The following SYTL2 variants were observed in gnomAD, a reference collection of about 807,000 sequenced individuals.
The protein encoded by SYTL2 is synaptotagmin-like protein 2.
SYTL2 carries 165 observed loss-of-function variants against 198.7 expected under a neutral mutation model. That is an observed-to-expected ratio of 0.83 (90% CI 0.73 to 0.94). SYTL2 has a LOEUF of 0.94. SYTL2 is among the 40% of genes least tolerant of loss of function. The pLI, the probability that SYTL2 is intolerant of heterozygous loss-of-function variation, is 0.00. For missense variants in SYTL2, 2,835 were observed against 2,582.8 expected (o/e 1.10, Z -2.12); for synonymous variants, 966 against 917.7 (o/e 1.05, Z -0.95).
chr11:85,783,084 C>A (rs1443558920), intron 1 of SYTL2, among the ~76,000 whole-genome samples: 1 of 152,112 alleles, frequency 6.6e-6, no homozygotes, highest in Non-Finnish European at 1.5e-5. Context: ...TGTATTAGTC[C>A]ATTCTTATGC....
intron 7 of SYTL2, among the ~76,000 whole-genome samples, chr11:85,732,392 G>A (rs1450956183): frequency 6.6e-6 from 1 of 152,252 alleles, no homozygotes; most frequent in African/African-American, 2.4e-5. Flanking sequence ...CACATATACA[G>A]CATGGAATAC....
intron 1 of SYTL2, among the ~76,000 whole-genome samples, chr11:85,803,322 T>C (rs1440695096): frequency 6.6e-6 from 1 of 152,222 alleles, no homozygotes; most frequent in Non-Finnish European, 1.5e-5. Context: ...TCTACTCAAG[T>C]TCTTCAGTAT....
chr11:85,814,732 A>G (rs2093059527), upstream of SYTL2, among the ~76,000 whole-genome samples: 1 of 152,192 alleles, frequency 6.6e-6, no homozygotes, highest in African/African-American at 2.4e-5. Context: ...TAAATCGTTT[A>G]GTTTTATCAG....
chr11:85,724,128 T>G lies in SYTL2; in HGVS notation c.5230A>C (p.Lys1744Gln). 1.3e-6 allele frequency: 2 copies of G among 1,593,750 alleles called. No individual in the cohort carries two copies. The highest frequency in any genetic ancestry group is 1.7e-6 in the Non-Finnish European group (2 of 1,175,068). Reference protein sequence around the residue: ...VELTLASPYMKQEKEEEKEGF... With the variant: ...VELTLASPYMQQEKEEEKEGF... ...TCTTTTTCTTCCTCTTTCTCTTGTT[T>G]CATATATGGCGATGCTAGAGTCAAT... Residue 1744 changes from lysine (K) to glutamine (Q), a missense_variant, in exon 8 of 20, where the codon AAA becomes CAA. Transcript: ENST00000359152.
At chr11:85,767,747 TCCC>T (rs1299167136) in intron 1 of SYTL2, among the ~76,000 whole-genome samples, 4 of 152,144 alleles carry the variant, frequency 2.6e-5, no homozygotes, top group Non-Finnish European at 5.9e-5. Context: ...CCTCCCTCTC[TCCC>T]CCAACAATTC....
intron 1 of SYTL2, among the ~76,000 whole-genome samples, chr11:85,759,275 T>A (rs892299751): frequency 5.3e-5 from 8 of 149,556 alleles, no homozygotes; most frequent in African/African-American, 2.0e-4. Flanking sequence ...GAAAAAAAAA[T>A]TTTAAAGCAG....
intron 7 of SYTL2, among the ~76,000 whole-genome samples, chr11:85,732,269 T>C (rs920406519): frequency 1.3e-5 from 2 of 152,116 alleles, no homozygotes; most frequent in African/African-American, 4.8e-5. Context: ...TATAAATCAT[T>C]CTACTACAAA....
At chr11:85,728,661 C>T (rs1185803098) in intron 7 of SYTL2, among the ~76,000 whole-genome samples, 1 of 152,118 alleles carries the variant, frequency 6.6e-6, no homozygotes, top group African/African-American at 2.4e-5. Context: ...GAAGATATGC[C>T]ATGCCGATTT....
chr11:85,747,478 G>C (rs1184153520), intron 3 of SYTL2, among the ~76,000 whole-genome samples: 1 of 152,154 alleles, frequency 6.6e-6, no homozygotes, highest in Non-Finnish European at 1.5e-5. Flanking sequence ...GGGTGGATAA[G>C]TAAAGATTTC....
intron 1 of SYTL2, among the ~76,000 whole-genome samples, chr11:85,803,204 CTG>C (rs2092914951): frequency 6.6e-6 from 1 of 152,220 alleles, no homozygotes; most frequent in East Asian, 1.9e-4. Flanking sequence ...TATTATAAAA[CTG>C]TAAAAATGTG....
intron 1 of SYTL2, among the ~76,000 whole-genome samples, chr11:85,759,237 C>G (rs1470808699): frequency 7.0e-6 from 1 of 142,532 alleles, no homozygotes; most frequent in South Asian, 2.2e-4. Flanking sequence ...CAGAGTGAGA[C>G]TCCTTATCAA....
upstream of SYTL2, among the ~76,000 whole-genome samples, chr11:85,812,759 A>G (rs2093051568): frequency 6.6e-6 from 1 of 152,158 alleles, no homozygotes; most frequent in Non-Finnish European, 1.5e-5. Context: ...GCAGAGATGA[A>G]GCTAAGGAGG....
At chr11:85,764,666 C>T (rs1288804888) in intron 1 of SYTL2, among the ~76,000 whole-genome samples, 1 of 152,188 alleles carries the variant, frequency 6.6e-6, no homozygotes, top group African/African-American at 2.4e-5. Context: ...TGCATCAGCC[C>T]TCAAGGCATG....
chr11:85,765,016 T>G (rs76495121), intron 1 of SYTL2, among the ~76,000 whole-genome samples: 10,880 of 152,278 alleles, frequency 0.071, 505 homozygotes, highest in African/African-American at 0.13. Flanking sequence ...TTCTGTGTGG[T>G]CAGAGTCTTC....
Position 85,758,043 on chromosome 11 carries a change from T to C in SYTL2, c.-318A>G, listed in dbSNP as rs1437460677. The C allele has an allele frequency of 7.1e-6, 2 of 280,432 alleles. No individual in the cohort carries two copies. Among genetic ancestry groups the C allele is most frequent in the East Asian group, 1.5e-4 (2 of 13,734 alleles). 17.4% of individuals were successfully genotyped at this position (280,432 alleles called of 1,614,324 possible). The stretch of plus-strand genomic sequence containing the variant: ...GCACACTCACTCTCTGGTCCAGTCT[T>C]AGACACAGTTTATTCTCTCTCTGCA... On this transcript the variant is annotated 5_prime_UTR_variant, in exon 2 of 20. Transcript: ENST00000359152.
At chr11:85,851,033 G>C in the SYTL2 span, among the ~76,000 whole-genome samples, 5 of 119,876 alleles carry the variant, frequency 4.2e-5, no homozygotes, top group South Asian at 1.7e-3. Flanking sequence ...TGGTGGGGTG[G>C]GGGGAGGGGG....
At chr11:85,814,481 T>C (rs1007911165), upstream of SYTL2, among the ~76,000 whole-genome samples, 2 of 152,198 alleles carry the variant, frequency 1.3e-5, no homozygotes, top group African/African-American at 4.8e-5. Flanking sequence ...GGCATGGGCC[T>C]GAAAGAGTTT....
the SYTL2 span, among the ~76,000 whole-genome samples, chr11:85,852,379 C>A: frequency 1.3e-5 from 2 of 151,906 alleles, no homozygotes; most frequent in African/African-American, 2.4e-5. Flanking sequence ...CCTCTCCCCA[C>A]GGTCTCCCTC....
chr11:85,713,091 ATGAG>A (rs776650193), intron 12 of SYTL2, among the ~76,000 whole-genome samples: 4 of 152,212 alleles, frequency 2.6e-5, no homozygotes, highest in Non-Finnish European at 5.9e-5. Flanking sequence ...CTTCCAAAGA[ATGAG>A]TGATTCTTTC....
Sources: allele counts gnomAD v4.1 joint callset (sites outside exome capture counted in the v4.1 genomes callset), GRCh38; gene constraint gnomAD v4.1.1; transcripts MANE v1.5; gene names NCBI Gene and HGNC (gene_info 2026-07-23, HGNC 2026-07-21).